COL23A1: variants seen among roughly 807,000 people sequenced by gnomAD.
COL23A1 encodes the protein collagen alpha-1(XXIII) chain.
In COL23A1, 97 loss-of-function variants were observed where a neutral mutation model predicts 99.3. The ratio of observed to expected loss-of-function variants is 0.98; its 90% CI spans 0.83 to 1.16. The LOEUF is 1.16. COL23A1 is among the 50% of genes most tolerant of loss of function. The pLI, the probability that COL23A1 is intolerant of heterozygous loss-of-function variation, is 0.00. For missense variants in COL23A1, 762 were observed against 757.4 expected (o/e 1.01, Z -0.07); for synonymous variants, 320 against 308.2 (o/e 1.04, Z -0.40).
At chr5:178,275,717 C>T (rs2127570539) in intron 5 of COL23A1, among the ~76,000 whole-genome samples, 1 of 152,298 alleles carries the variant, frequency 6.6e-6, no homozygotes, top group Non-Finnish European at 1.5e-5. Context: ...CTTTTCCCTA[C>T]TCTTTCAGAG....
intron 2 of COL23A1, among the ~76,000 whole-genome samples, chr5:178,475,762 G>C (rs1756994114): frequency 6.6e-6 from 1 of 152,192 alleles, no homozygotes. Context: ...TCAAGCTTTT[G>C]TGGCTGTTGG....
At chr5:178,494,451 C>T (rs1474708947) in intron 2 of COL23A1, among the ~76,000 whole-genome samples, 1 of 152,250 alleles carries the variant, frequency 6.6e-6, no homozygotes, top group African/African-American at 2.4e-5. Flanking sequence ...CCGAGGCAGG[C>T]GGATCACCTG....
intron 2 of COL23A1, among the ~76,000 whole-genome samples, chr5:178,319,239 TGGAA>T (rs2127623399): frequency 6.6e-6 from 1 of 152,258 alleles, no homozygotes; most frequent in African/African-American, 2.4e-5. Context: ...TGTTTCCTGT[TGGAA>T]AACAGGCTCC....
At chr5:178,451,393 C>T (rs1767477696) in intron 2 of COL23A1, among the ~76,000 whole-genome samples, 1 of 152,142 alleles carries the variant, frequency 6.6e-6, no homozygotes, top group Non-Finnish European at 1.5e-5. Flanking sequence ...CGGTGGCTCA[C>T]ACCTGTAATC....
Position 178,254,979 on chromosome 5 carries a change from G to A in COL23A1, c.930C>T (p.Asp310=), listed in dbSNP as rs1334866839. 1 of 1,613,624 alleles carries A rather than the reference G, an allele frequency of 6.2e-7. No individual in the cohort carries two copies. Among genetic ancestry groups the A allele is most frequent in the African/African-American group, 1.3e-5 (1 of 74,882 alleles). ...GGGCATCCAAGATCCTGCCATCATA[G>A]TCGATCACCACTGTGTCTCCCTGCT... ...KGEQGDTVVI[D]YDGRILDALK... The change falls in exon 16 of 29, where the codon GAC becomes GAT. Residue 310 remains aspartate (D), a synonymous_variant. Coordinates refer to ENST00000390654, the MANE Select transcript of COL23A1 (RefSeq NM_173465.4).
intron 2 of COL23A1, among the ~76,000 whole-genome samples, chr5:178,487,042 T>C (rs1757668834): frequency 6.6e-6 from 1 of 151,772 alleles, no homozygotes; most frequent in Non-Finnish European, 1.5e-5. Context: ...ACACAGATCA[T>C]GCTCCTCCCT....
At chr5:178,495,145 C>T (rs756260903) in intron 2 of COL23A1, among the ~76,000 whole-genome samples, 1 of 152,222 alleles carries the variant, frequency 6.6e-6, no homozygotes, top group Non-Finnish European at 1.5e-5. Context: ...AGACATCAGC[C>T]TGCCGCCAGG....
chr5:178,372,228 AGAGAGTGTTGCCCAG>A (rs1762837189), intron 2 of COL23A1, among the ~76,000 whole-genome samples: 1 of 152,084 alleles, frequency 6.6e-6, no homozygotes, highest in African/African-American at 2.4e-5. Flanking sequence ...AGGCACTTCG[AGAGAGTGTTGCCCAG>A]GAGAGTGGTG....
At chr5:178,292,880 C>A (rs935746946) in intron 3 of COL23A1, among the ~76,000 whole-genome samples, 20 of 152,228 alleles carry the variant, frequency 1.3e-4, no homozygotes, top group African/African-American at 4.8e-4. Flanking sequence ...ATCAAGAAGT[C>A]CTGGAAGCAA....
chr5:178,579,094 C>T lies in COL23A1; in HGVS notation c.294+10810G>A, dbSNP rs1763534427. Among the ~76,000 whole-genome samples the T allele has an allele frequency of 2.0e-5, 3 of 152,158 alleles. 1 individual carries two copies. Among genetic ancestry groups the T allele is most frequent in the South Asian group, 4.1e-4 (2 of 4,824 alleles). On this transcript the variant is annotated intron_variant, in intron 1 of 28. Transcript: ENST00000390654. ...GACTCAGAGGCTGGACATGTGCTAA[C>T]AGCTTTTTTGCTTCTGTATATCCTT...
chr5:178,511,692 G>A (rs1025733002), intron 2 of COL23A1, among the ~76,000 whole-genome samples: 2 of 152,164 alleles, frequency 1.3e-5, no homozygotes, highest in African/African-American at 4.8e-5. Context: ...GTAGTGGACA[G>A]CTGCCAGTCC....
intron 2 of COL23A1, among the ~76,000 whole-genome samples, chr5:178,414,190 G>T (rs905545118): frequency 6.6e-6 from 1 of 152,170 alleles, no homozygotes; most frequent in Non-Finnish European, 1.5e-5. Flanking sequence ...TCCGCCCTGT[G>T]CTGGGCCAGC....
At chr5:178,399,993 G>A (rs1764350280) in intron 2 of COL23A1, among the ~76,000 whole-genome samples, 1 of 152,186 alleles carries the variant, frequency 6.6e-6, no homozygotes, top group Non-Finnish European at 1.5e-5. Flanking sequence ...ATCGATATTT[G>A]TTGGTTAAAT....
chr5:178,445,999 C>G (rs1159673728), intron 2 of COL23A1, among the ~76,000 whole-genome samples: 1 of 152,004 alleles, frequency 6.6e-6, no homozygotes, highest in South Asian at 2.1e-4. Context: ...AGCAAAATAA[C>G]TATGACTGTC....
chr5:178,502,887 G>A (rs1327316056), intron 2 of COL23A1, among the ~76,000 whole-genome samples: 2 of 152,246 alleles, frequency 1.3e-5, no homozygotes, highest in South Asian at 2.1e-4. Flanking sequence ...CCCCTGAACC[G>A]CAGCACACGC....
rs573158918 is a variant in COL23A1 at position 178,291,072 on chromosome 5, G to C, written c.407-703C>G. ...ATAACGCAGAGGCTCACAGAGCAGC[G>C]ACTTGTGTGGGGCCACATCGTTGAT... On this transcript the variant is annotated intron_variant, in intron 3 of 28. Coordinates refer to ENST00000390654, the MANE Select transcript of COL23A1 (RefSeq NM_173465.4). Among the ~76,000 whole-genome samples, 302 of 152,326 alleles carry C rather than the reference G, an allele frequency of 2.0e-3. 1 individual carries two copies. The highest frequency in any genetic ancestry group is 6.6e-3 in the African/African-American group (275 of 41,564).
In COL23A1 at chr5:178,255,028, T is replaced by C. The variant is rs768861760; in HGVS notation, c.883-2A>G. On this transcript the variant is annotated splice_acceptor_variant, in intron 15 of 28. Coordinates refer to ENST00000390654, the MANE Select transcript of COL23A1 (RefSeq NM_173465.4). LOFTEE classifies it high-confidence loss of function. The surrounding 1 kb of genome is among the most constrained non-coding windows in gnomAD (Gnocchi z 4.2). Reference sequence around the variant, plus strand: ...CTCGCCCTTGAGGCCTGGGGCACCCTGAGGCAGGAAGAAGAGTAAGAATTT... The same window carrying C: ...CTCGCCCTTGAGGCCTGGGGCACCCCGAGGCAGGAAGAAGAGTAAGAATTT... The C allele has an allele frequency of 2.5e-6, 4 of 1,612,546 alleles. No homozygotes were observed. Among genetic ancestry groups the C allele is most frequent in the South Asian group, 1.1e-5 (1 of 91,050 alleles).
At chr5:178,424,564 G>A (rs973725931) in intron 2 of COL23A1, among the ~76,000 whole-genome samples, 13 of 152,314 alleles carry the variant, frequency 8.5e-5, no homozygotes, top group Non-Finnish European at 1.5e-4. Flanking sequence ...GCTAGGGCCA[G>A]GACAAGACAC....
chr5:178,450,973 G>T (rs905752844), intron 2 of COL23A1, among the ~76,000 whole-genome samples: 1 of 152,110 alleles, frequency 6.6e-6, no homozygotes, highest in African/African-American at 2.4e-5. Context: ...TTCTAAGAAC[G>T]TACTACTTAA....
Sources: gnomAD v4.1 joint callset for allele counts (sites outside exome capture counted in the v4.1 genomes callset) on GRCh38, gnomAD v4.1.1 for gene constraint, Gnocchi (gnomAD v3.1) non-coding constraint, MANE v1.5 for transcripts, NCBI Gene and HGNC (gene_info 2026-07-23, HGNC 2026-07-21) for gene names.